SPDYE18: variants seen among roughly 807,000 people sequenced by gnomAD.
The protein encoded by SPDYE18 is speedy/RINGO cell cycle regulator family member E18.
SPDYE18 carries 6 observed loss-of-function variants against 44.9 expected under a neutral mutation model. That is an observed-to-expected ratio of 0.13 (90% CI 0.07 to 0.26). SPDYE18 has a LOEUF of 0.26. Ranked by LOEUF, SPDYE18 falls within the 10% of genes least tolerant of loss-of-function variation. The probability of loss-of-function intolerance (pLI) is 1.00; values close to 1 mark genes in which losing one functional copy is unlikely to be tolerated. For missense variants in SPDYE18, 121 were observed against 463.2 expected (o/e 0.26, Z 6.78); for synonymous variants, 35 against 177.1 (o/e 0.20, Z 6.37).
chr7:77,057,581 GT>G (rs2117322186), intron 4 of SPDYE18, 55 bp downstream of exon 4: 1 of 618,466 alleles, frequency 1.6e-6, no homozygotes, highest in East Asian at 2.8e-5. Context: ...GTTATTGGAA[GT>G]TTCCTGTTTT....
chr7:77,053,866 C>G (rs1789867049), intron 6 of SPDYE18, among the ~76,000 whole-genome samples: 1 of 140,432 alleles, frequency 7.1e-6, no homozygotes, highest in Admixed American at 7.8e-5. Flanking sequence ...ACAAACTGTC[C>G]AGGTGTGGTG....
chr7:77,060,961 AG>A (rs1195798056), intron 1 of SPDYE18, among the ~76,000 whole-genome samples, 28 bp from the exon 2 acceptor site: 1 of 148,832 alleles, frequency 6.7e-6, no homozygotes, highest in Non-Finnish European at 1.5e-5. Context: ...AGAGTGGGAA[AG>A]AAAACTAGGG....
At chr7:77,058,541 C>T (rs1185482739) in intron 3 of SPDYE18, among the ~76,000 whole-genome samples, 4 of 138,418 alleles carry the variant, frequency 2.9e-5, no homozygotes, top group African/African-American at 7.8e-5. Context: ...GCGTCTCACT[C>T]TCTCACCCAG....
intron 6 of SPDYE18, 107 bp from the exon 7 acceptor site, chr7:77,053,310 T>G: frequency 1.3e-6 from 2 of 1,494,284 alleles, no homozygotes; most frequent in East Asian, 2.4e-5. Flanking sequence ...AGCTCAGGAC[T>G]GGCACCCACC....
chr7:77,057,295 A>G (rs1398270129), intron 4 of SPDYE18, among the ~76,000 whole-genome samples: 21 of 151,716 alleles, frequency 1.4e-4, no homozygotes, highest in Non-Finnish European at 2.7e-4. Context: ...TCTGTCACCC[A>G]GGCTGGAGTG....
chr7:77,052,511 TGCA>T (rs1789822875), intron 8 of SPDYE18, among the ~76,000 whole-genome samples: 1 of 152,110 alleles, frequency 6.6e-6, no homozygotes, highest in Admixed American at 6.5e-5. Flanking sequence ...CAGGGCTCCG[TGCA>T]GCCCTGACCT....
rs1789803859 is a variant in SPDYE18, at chr7:77,051,753, A to ATTG, written c.*171_*172insCAA. Among the ~76,000 whole-genome samples the ATTG allele has an allele frequency of 2.1e-5, 3 of 143,240 alleles. No individual in the cohort carries two copies. The highest frequency in any genetic ancestry group is 7.7e-5 in the African/African-American group (3 of 39,090). 94.0% of individuals were successfully genotyped at this position (143,240 alleles called of 152,430 possible). A position where few individuals can be genotyped will look rare whatever the true frequency, so the allele number is the denominator to read the frequency against. On this transcript the variant is annotated 3_prime_UTR_variant, in exon 9 of 9. Coordinates refer to ENST00000510091, the MANE Select transcript of SPDYE18 (RefSeq NM_001394953.1). ...CAACGTGATCACTGTATTCAGCTCCATCAAGAATGGTCCAGGTTCTTCTAG... is the reference window on the plus strand; with the variant it reads ...CAACGTGATCACTGTATTCAGCTCCATTGTCAAGAATGGTCCAGGTTCTTCTAG...
chr7:77,054,140 T>C (rs1278948525), intron 6 of SPDYE18, among the ~76,000 whole-genome samples: 1 of 152,110 alleles, frequency 6.6e-6, no homozygotes, highest in African/African-American at 2.4e-5. Flanking sequence ...ACTAGAGAGC[T>C]ACGGGCATGC....
At position 77,058,121 on chromosome 7, in the gene SPDYE18, T is replaced by G. The variant is rs1013233381; in HGVS notation, c.380-254A>C. On this transcript the variant is annotated intron_variant, in intron 3 of 8. Coordinates refer to ENST00000510091, the MANE Select transcript of SPDYE18 (RefSeq NM_001394953.1). ...GTCCCTGGCTCTCTGAGTCTCTTTT[T>G]TTTTTTTTTTTTTTTTGTTGTTGTT... 4.7e-4 allele frequency among the ~76,000 whole-genome samples: 54 copies of G among 114,578 alleles called. 1 individual carries two copies. Among genetic ancestry groups the G allele is most frequent in the Admixed American group, 5.3e-4 (5 of 9,406 alleles). 75.2% of individuals were successfully genotyped at this position (114,578 alleles called of 152,430 possible). A position where few individuals can be genotyped will look rare whatever the true frequency, so the allele number is the denominator to read the frequency against.
In SPDYE18 at chr7:77,060,488, G is replaced by A. The variant is rs868544543; in HGVS notation, c.25C>T (p.Arg9Cys). 35 of 1,535,184 alleles carry A rather than the reference G, an allele frequency of 2.3e-5. No individual in the cohort carries two copies. The highest frequency in any genetic ancestry group is 4.6e-4 in the Middle Eastern group (2 of 4,360). MDRTKTRFRKRGQITGKIT... is the reference protein window; with the variant it reads MDRTKTRFCKRGQITGKIT... ...TTTCCCGTAATCTGTCCCCTCTTACGGAACCTAGTCTTCGTTCTGTCCATG... is the reference window on the plus strand; with the variant it reads ...TTTCCCGTAATCTGTCCCCTCTTACAGAACCTAGTCTTCGTTCTGTCCATG... The change falls in exon 2 of 9, where the codon CGT becomes TGT. Residue 9 changes from arginine (R) to cysteine (C), a missense_variant. Transcript: ENST00000510091.
At position 77,060,547 on chromosome 7, in the gene SPDYE18, G is replaced by A. The variant is rs1238421751; in HGVS notation, c.-35C>T. On this transcript the variant is annotated 5_prime_UTR_variant, in exon 2 of 9. Coordinates refer to ENST00000510091, the MANE Select transcript of SPDYE18 (RefSeq NM_001394953.1). Reference sequence around the variant, plus strand: ...CTGGACACTGCTAGGATCCAGAAGAGTATGTTATCAATTCTCAAGCCTAGG... The same window carrying A: ...CTGGACACTGCTAGGATCCAGAAGAATATGTTATCAATTCTCAAGCCTAGG... 4 of 1,534,892 alleles carry A rather than the reference G, an allele frequency of 2.6e-6. No homozygotes were observed. Among genetic ancestry groups the A allele is most frequent in the South Asian group, 1.2e-5 (1 of 83,956 alleles).
intron 4 of SPDYE18, among the ~76,000 whole-genome samples, chr7:77,057,312 T>A (rs1359810555): frequency 6.6e-6 from 1 of 151,918 alleles, no homozygotes; most frequent in Non-Finnish European, 1.5e-5. Flanking sequence ...AGTGCAGTGG[T>A]GTAGTCATAG....
chr7:77,062,128 C>CA (rs1296468757), intron 1 of SPDYE18, among the ~76,000 whole-genome samples: 9 of 141,482 alleles, frequency 6.4e-5, no homozygotes, highest in African/African-American at 1.7e-4. Flanking sequence ...AACTCCATCT[C>CA]AAAAAAAATA....
At chr7:77,059,149 A>ACT in intron 3 of SPDYE18, 31 bp downstream of exon 3, 1 of 1,572,418 alleles carries the variant, frequency 6.4e-7, no homozygotes, top group Non-Finnish European at 8.6e-7. Context: ...AAAGAACAGG[A>ACT]TTGGAGGTGC....
At chr7:77,054,241 C>T (rs1464717423) in intron 6 of SPDYE18, among the ~76,000 whole-genome samples, 5 of 149,204 alleles carry the variant, frequency 3.4e-5, no homozygotes, top group South Asian at 2.2e-4. Flanking sequence ...CACATGTGTG[C>T]GGGACACCCA....
At position 77,050,712 on chromosome 7, in the gene SPDYE18, T is replaced by G. The variant is rs535697165; in HGVS notation, c.*1213A>C. On this transcript the variant is annotated 3_prime_UTR_variant, in exon 9 of 9. Transcript: ENST00000510091. ...CTTCAGCAGCACGTGTAATAATAGA[T>G]ACAAAGATTGAAAGGTAAAAGATTT... 3.0e-4 allele frequency among the ~76,000 whole-genome samples: 46 copies of G among 151,172 alleles called. No individual in the cohort carries two copies. The highest frequency in any genetic ancestry group is 9.9e-4 in the African/African-American group (41 of 41,528).
rs1476232296 is a variant in SPDYE18, at chr7:77,060,454, G to T, written c.59C>A (p.Thr20Asn). The T allele has an allele frequency of 6.5e-7, 1 of 1,535,200 alleles. No individual in the cohort carries two copies. The highest frequency in any genetic ancestry group is 8.7e-7 in the Non-Finnish European group (1 of 1,146,806). ...KRGQITGKIT[T>N]SRQPHPQNEQ... ...ATTCTGGGGGTGCGGTTGACGGCTGGTCGTGATCTTTCCCGTAATCTGTCC... is the reference window on the plus strand; with the variant it reads ...ATTCTGGGGGTGCGGTTGACGGCTGTTCGTGATCTTTCCCGTAATCTGTCC... The change falls in exon 2 of 9, where the codon ACC becomes AAC. Residue 20 changes from threonine (T) to asparagine (N), a missense_variant. Transcript: ENST00000510091.
At chr7:77,058,501 CTTTTTTTTTTTTTTTT>C (rs1158671945) in intron 3 of SPDYE18, among the ~76,000 whole-genome samples, 3 of 56,098 alleles carry the variant, frequency 5.3e-5, no homozygotes, top group African/African-American at 1.4e-4. Context: ...TTCCTTCCTT[CTTTTTTTTTTTTTTTT>C]TTTTTTTGAG....
chr7:77,060,086 C>T (rs1789997097), intron 2 of SPDYE18, among the ~76,000 whole-genome samples: 1 of 144,544 alleles, frequency 6.9e-6, no homozygotes, highest in African/African-American at 2.6e-5. Context: ...ACCTCTTCCT[C>T]CCAGTCTCAA....
Sources: gnomAD v4.1 joint callset for allele counts (sites outside exome capture counted in the v4.1 genomes callset) on GRCh38, gnomAD v4.1.1 for gene constraint, MANE v1.5 for transcripts, NCBI Gene and HGNC (gene_info 2026-07-23, HGNC 2026-07-21) for gene names.